The following KALRN variants were observed in gnomAD, a reference collection of about 807,000 sequenced individuals.
KALRN encodes kalirin RhoGEF kinase.
Under a neutral mutation model 353.7 loss-of-function variants are expected in KALRN, and 70 were observed. The ratio of observed to expected loss-of-function variants is 0.20; its 90% CI spans 0.16 to 0.24. The LOEUF (loss-of-function observed/expected upper bound fraction) is 0.24. Ranked by LOEUF, KALRN falls within the 10% of genes least tolerant of loss-of-function variation. The probability of loss-of-function intolerance (pLI) is 1.00; values close to 1 mark genes in which losing one functional copy is unlikely to be tolerated. For synonymous variants in KALRN, 1,391 were observed against 1,434.8 expected (o/e 0.97, Z 0.69); for missense variants, 2,791 against 3,756.7 (o/e 0.74, Z 6.72).
At position 124,441,974 on chromosome 3, in the gene KALRN, G is replaced by C. The variant is rs143413360; in HGVS notation, c.3228G>C (p.Glu1076Asp). ...KACTLARRNA[E>D]VFLKYIHRNN... ...GCACCCTGGCTCGGCGGAATGCTGA[G>C]GTGTTTCTCAAGTACATCCACAGGA... Residue 1076 changes from glutamate (E) to aspartate (D), a missense_variant, in exon 19 of 60, where the codon GAG becomes GAC. By Grantham distance (45) the Glu-to-Asp change is conservative. Transcript: ENST00000682506. 5.6e-6 allele frequency: 9 copies of C among 1,602,862 alleles called. No homozygotes were observed. In the South Asian group the frequency reaches 8.8e-5, roughly 16 times the overall value.
At chr3:124,151,643 T>C (rs2068120381) in intron 1 of KALRN, among the ~76,000 whole-genome samples, 1 of 146,924 alleles carries the variant, frequency 6.8e-6, no homozygotes, top group African/African-American at 2.4e-5. Context: ...CCAGTCTGTG[T>C]CTTGTCTCTT....
Position 124,536,196 on chromosome 3 carries a change from C to CTTT in KALRN, c.4936-26627_4936-26625dup, listed in dbSNP as rs34435871. 7.3e-3 allele frequency among the ~76,000 whole-genome samples: 721 copies of CTTT among 99,036 alleles called. 6 individuals are homozygous for CTTT. Among genetic ancestry groups the CTTT allele is most frequent in the East Asian group, 0.012 (41 of 3,550 alleles). 65.0% of individuals were successfully genotyped at this position (99,036 alleles called of 152,430 possible). ...CTTGCAAGTCTTTGCCATCCATACT[C>CTTT]TTTTTTTTTTTTTTTTTTTTTTGAG... On this transcript the variant is annotated intron_variant, in intron 33 of 59. Coordinates refer to ENST00000682506, the MANE Select transcript of KALRN (RefSeq NM_001388419.1).
At chr3:124,620,305 A>T (rs190470296) in intron 34 of KALRN, among the ~76,000 whole-genome samples, 8 of 152,044 alleles carry the variant, frequency 5.3e-5, no homozygotes, top group Non-Finnish European at 1.2e-4. Flanking sequence ...AGGTCTCGCT[A>T]TGTTGCTCAG....
chr3:124,097,740 A>G (rs11926214), intron 1 of KALRN, among the ~76,000 whole-genome samples: 91,005 of 152,126 alleles, frequency 0.6, 30,119 homozygotes, highest in Non-Finnish European at 0.75. Flanking sequence ...GTAAGGATTT[A>G]AAAAATAAAG....
Position 124,462,961 on chromosome 3 carries a change from A to G in KALRN, c.4031+328A>G, listed in dbSNP as rs560102592. Among the ~76,000 whole-genome samples the G allele has an allele frequency of 1.1e-4, 16 of 152,352 alleles. No individual in the cohort carries two copies. In the East Asian group the frequency reaches 3.1e-3, roughly 29 times the overall value. ...GTGGGAAATCCTGACGTTAGAATTC[A>G]TCTGAGGCTAACCATTCCACCTTGT... On this transcript the variant is annotated intron_variant, in intron 25 of 59. Coordinates refer to ENST00000682506, the MANE Select transcript of KALRN (RefSeq NM_001388419.1).
At chr3:124,511,961 A>G (rs2065955669) in intron 33 of KALRN, among the ~76,000 whole-genome samples, 1 of 152,224 alleles carries the variant, frequency 6.6e-6, no homozygotes, top group African/African-American at 2.4e-5. Flanking sequence ...ACTGAATCAC[A>G]AGATCCATGA....
rs2085660526 is a variant in KALRN at position 124,666,633 on chromosome 3, A to G, written c.6530A>G (p.Lys2177Arg). Residue 2177 changes from lysine to arginine, a missense_variant and splice_region_variant, in exon 46 of 60, where the codon AAG becomes AGG. Lys to Arg is a conservative substitution (Grantham distance 26). This residue lies in a region of KALRN where 1,065 missense variants were observed against 1,156.4 expected (regional missense o/e 0.92). Transcript: ENST00000682506. The stretch of plus-strand genomic sequence containing the variant: ...GGCTACATGTTCAAAAGGAGCATCA[A>G]GGTGAGGATCCCAATGGTGATGAGA... ...TPGYMFKRSI[K>R]MNYLVLEENV... is the part of the protein sequence containing the mutation. 6.2e-7 allele frequency: 1 copy of G among 1,613,494 alleles called. No homozygotes were observed.
At chr3:124,714,883 G>T (rs2150806099) in intron 58 of KALRN, among the ~76,000 whole-genome samples, 1 of 152,216 alleles carries the variant, frequency 6.6e-6, no homozygotes, top group East Asian at 1.9e-4. Flanking sequence ...GGACATGGTG[G>T]CAGGCACCTG....
chr3:124,554,992 C>G (rs2071036092), intron 33 of KALRN, among the ~76,000 whole-genome samples: 1 of 152,180 alleles, frequency 6.6e-6, no homozygotes, highest in African/African-American at 2.4e-5. Context: ...TCTCTCCATT[C>G]TACATTTAAG....
At chr3:124,382,118 C>A (rs2087477854) in intron 10 of KALRN, among the ~76,000 whole-genome samples, 1 of 152,152 alleles carries the variant, frequency 6.6e-6, no homozygotes, top group African/African-American at 2.4e-5. Context: ...TTCTTTGTAC[C>A]TCAGTTTCTT....
intron 1 of KALRN, among the ~76,000 whole-genome samples, chr3:124,110,434 G>A (rs1463763706): frequency 7.0e-6 from 1 of 142,322 alleles, no homozygotes; most frequent in Non-Finnish European, 1.5e-5. Context: ...TTTTATGTAT[G>A]TATATATGTA....
At chr3:124,255,219 C>T (rs2071775531) in intron 3 of KALRN, among the ~76,000 whole-genome samples, 2 of 152,192 alleles carry the variant, frequency 1.3e-5, no homozygotes, top group South Asian at 4.1e-4. Flanking sequence ...GCTGGGATTA[C>T]AGGCATGAGC....
chr3:124,608,512 A>G (rs2077593883), intron 34 of KALRN, among the ~76,000 whole-genome samples: 1 of 152,076 alleles, frequency 6.6e-6, no homozygotes. Context: ...GTCAGCGGAG[A>G]ACTTACAGCA....
chr3:124,554,705 G>C (rs1160023977), intron 33 of KALRN, among the ~76,000 whole-genome samples: 1 of 152,014 alleles, frequency 6.6e-6, no homozygotes, highest in Non-Finnish European at 1.5e-5. Context: ...TGAAAAGTCT[G>C]GTAATCTATA....
chr3:124,410,884 A>G (rs2092091897), intron 13 of KALRN, among the ~76,000 whole-genome samples: 1 of 152,238 alleles, frequency 6.6e-6, no homozygotes, highest in Admixed American at 6.5e-5. Context: ...GTCCACAGAA[A>G]GACTTCTATA....
rs9845054 is a variant in KALRN at position 124,674,643 on chromosome 3, A to T, written c.7193+29A>T. ...AGTGCCTCGTTGGCTTCCCCGGGAGAGGAGTATGAGGATTAAAAATATTCA... is the reference window on the plus strand; with the variant it reads ...AGTGCCTCGTTGGCTTCCCCGGGAGTGGAGTATGAGGATTAAAAATATTCA... On this transcript the variant is annotated intron_variant, in intron 49 of 59. Transcript: ENST00000682506. The T allele has an allele frequency of 3.3e-6, 5 of 1,514,440 alleles. No homozygotes were observed. The African/African-American group carries it at 7.0e-5, about 21-fold the overall frequency. 93.8% of individuals were successfully genotyped at this position (1,514,440 alleles called of 1,614,324 possible).
At position 124,234,960 on chromosome 3, in the gene KALRN, T is replaced by C; in HGVS notation, c.263+17T>C. 2 of 1,567,304 alleles carry C rather than the reference T, an allele frequency of 1.3e-6. No homozygotes were observed. The highest frequency in any genetic ancestry group is 1.4e-5 in the African/African-American group (1 of 73,994). On this transcript the variant is annotated intron_variant, in intron 3 of 59. Coordinates refer to ENST00000682506, the MANE Select transcript of KALRN (RefSeq NM_001388419.1). ...CGTGCCAAGGTAAGGGGAAGGGGAA[T>C]GGCCTGCAGGGGAGCGGGAGGGGAG...
chr3:124,647,002 C>T (rs2082837357), intron 37 of KALRN, among the ~76,000 whole-genome samples: 1 of 151,994 alleles, frequency 6.6e-6, no homozygotes, highest in African/African-American at 2.4e-5. Context: ...ATGCTATTTC[C>T]CTGCTTACAA....
chr3:124,446,677 C>T lies in KALRN; in HGVS notation c.3430-86C>T, dbSNP rs1342428255. 3.9e-6 allele frequency: 6 copies of T among 1,526,798 alleles called. No homozygotes were observed. In the Admixed American group the frequency reaches 1.1e-4, roughly 28 times the overall value. 94.6% of individuals were successfully genotyped at this position (1,526,798 alleles called of 1,614,324 possible). On this transcript the variant is annotated intron_variant, in intron 20 of 59. Coordinates refer to ENST00000682506, the MANE Select transcript of KALRN (RefSeq NM_001388419.1). ...TGTTTCCTGGGTCCATTAAGTTGTC[C>T]CAACAATAACCTTCATTGTAGTATG...
Sources: allele counts gnomAD v4.1 joint callset (sites outside exome capture counted in the v4.1 genomes callset), GRCh38; gene constraint gnomAD v4.1.1; regional missense constraint gnomAD v4.1.1; transcripts MANE v1.5; gene names NCBI Gene and HGNC (gene_info 2026-07-23, HGNC 2026-07-21).